ANKFN1: variants seen among roughly 807,000 people sequenced by gnomAD.
The protein encoded by ANKFN1 is ankyrin repeat and fibronectin type-III domain-containing protein 1.
In ANKFN1, 74 loss-of-function variants were observed where a neutral mutation model predicts 108.7. The observed-to-expected ratio is 0.68, with a 90% confidence interval of 0.56 to 0.83. The LOEUF (loss-of-function observed/expected upper bound fraction) is 0.83. ANKFN1 is among the 40% of genes least tolerant of loss of function. ANKFN1 has a pLI of 0.00. For missense variants in ANKFN1, 1,505 were observed against 1,382.3 expected (o/e 1.09, Z -1.41); for synonymous variants, 547 against 516.2 (o/e 1.06, Z -0.81).
At chr17:56,062,152 T>C (rs1283079593) in intron 4 of ANKFN1, among the ~76,000 whole-genome samples, 3 of 152,216 alleles carry the variant, frequency 2.0e-5, no homozygotes, top group African/African-American at 7.2e-5. Flanking sequence ...TACTTCCAAT[T>C]ATGTGGTCCA....
chr17:56,353,324 C>A (rs2046294039), intron 5 of ANKFN1, among the ~76,000 whole-genome samples: 1 of 151,778 alleles, frequency 6.6e-6, no homozygotes, highest in African/African-American at 2.4e-5. Context: ...CAACCTCTGC[C>A]CCCTGGGCAG....
chr17:56,423,267 T>G (rs2048465212), intron 8 of ANKFN1, among the ~76,000 whole-genome samples: 1 of 152,074 alleles, frequency 6.6e-6, no homozygotes, highest in Non-Finnish European at 1.5e-5. Context: ...ACACGTTGGG[T>G]CAACAGGAAT....
chr17:56,163,923 C>T (rs775100280), intron 1 of ANKFN1, among the ~76,000 whole-genome samples: 9 of 152,118 alleles, frequency 5.9e-5, no homozygotes, highest in Non-Finnish European at 1.0e-4. Flanking sequence ...TCAGTGTAGG[C>T]GTAATGTGAT....
intron 17 of ANKFN1, among the ~76,000 whole-genome samples, 175 bp from the exon 18 acceptor site, chr17:56,482,181 A>G (rs1167159958): frequency 2.0e-5 from 3 of 152,180 alleles, no homozygotes; most frequent in Non-Finnish European, 2.9e-5. Flanking sequence ...ACTGCCTTAA[A>G]TCTTGATTTT....
rs181948688 is a variant in ANKFN1 at position 56,108,771 on chromosome 17, A to G, written c.288+62446A>G. On this transcript the variant is annotated intron_variant, in intron 4 of 12. Transcript: ENST00000635860. Reference sequence around the variant, plus strand: ...AGAAGGTTTTTTATTTTGTATGTACAAGGAAGTATGGGGAACAAAAGCAAA... The same window carrying G: ...AGAAGGTTTTTTATTTTGTATGTACGAGGAAGTATGGGGAACAAAAGCAAA... Among the ~76,000 whole-genome samples the G allele has an allele frequency of 3.2e-4, 48 of 152,368 alleles. No individual in the cohort carries two copies. In the Middle Eastern group the frequency reaches 0.01, roughly 32 times the overall value.
chr17:56,106,328 A>G (rs564677852), intron 4 of ANKFN1, among the ~76,000 whole-genome samples: 3 of 152,264 alleles, frequency 2.0e-5, no homozygotes, highest in East Asian at 3.9e-4. Flanking sequence ...TAGAGTTGTC[A>G]TGAGGACAAC....
At chr17:56,204,497 C>T (rs1319383453) in intron 1 of ANKFN1, among the ~76,000 whole-genome samples, 1 of 151,792 alleles carries the variant, frequency 6.6e-6, no homozygotes, top group Non-Finnish European at 1.5e-5. Context: ...CCCACTACCA[C>T]GCCCAGCTAA....
intron 4 of ANKFN1, among the ~76,000 whole-genome samples, chr17:56,096,126 T>C (rs1284091090): frequency 6.6e-6 from 1 of 152,234 alleles, no homozygotes; most frequent in Non-Finnish European, 1.5e-5. Flanking sequence ...CTGGCACATG[T>C]TAAGTGCCCA....
chr17:56,224,581 G>T (rs75140540), intron 2 of ANKFN1: 75 of 152,256 alleles, frequency 4.9e-4, no homozygotes, highest in African/African-American at 1.8e-3. Context: ...AGCCTAATCA[G>T]CATAGAACAC....
At chr17:56,217,782 T>C (rs1289363366) in intron 2 of ANKFN1, among the ~76,000 whole-genome samples, 1 of 152,236 alleles carries the variant, frequency 6.6e-6, no homozygotes, top group African/African-American at 2.4e-5. Context: ...ATACTATGTT[T>C]AAAAATAATT....
chr17:56,373,714 A>G (rs1003140245), intron 7 of ANKFN1, among the ~76,000 whole-genome samples: 1 of 152,240 alleles, frequency 6.6e-6, no homozygotes, highest in Non-Finnish European at 1.5e-5. Flanking sequence ...ACTTAGCAAC[A>G]TTAATGAAAG....
intron 5 of ANKFN1, 110 bp from the exon 6 acceptor site, chr17:56,353,726 T>A: frequency 1.1e-6 from 1 of 905,366 alleles, no homozygotes; most frequent in South Asian, 1.5e-5. Flanking sequence ...GTTATTCCAC[T>A]TATAAGTGGA....
intron 4 of ANKFN1, among the ~76,000 whole-genome samples, chr17:56,112,965 G>A (rs1428146395): frequency 6.6e-6 from 1 of 152,158 alleles, no homozygotes; most frequent in Non-Finnish European, 1.5e-5. Context: ...ATTTCTATAT[G>A]ACGTAGTATT....
At chr17:56,114,492 T>C (rs9906744) in intron 4 of ANKFN1, among the ~76,000 whole-genome samples, 3,642 of 152,294 alleles carry the variant, frequency 0.024, 128 homozygotes, top group African/African-American at 0.082. Flanking sequence ...ATCATCCAGA[T>C]TGGCAAATAT....
chr17:56,308,097 G>A (rs1476662981), intron 3 of ANKFN1, among the ~76,000 whole-genome samples: 1 of 152,138 alleles, frequency 6.6e-6, no homozygotes, highest in Non-Finnish European at 1.5e-5. Flanking sequence ...TGGGATCGGG[G>A]GAGTGGGGAG....
At chr17:56,476,877 G>A (rs2050518596) in intron 15 of ANKFN1, among the ~76,000 whole-genome samples, 1 of 152,162 alleles carries the variant, frequency 6.6e-6, no homozygotes. Flanking sequence ...ACCAGTGCTT[G>A]ATTCATTCTT....
At chr17:56,078,647 T>G (rs1905209318) in intron 4 of ANKFN1, among the ~76,000 whole-genome samples, 1 of 152,234 alleles carries the variant, frequency 6.6e-6, no homozygotes, top group African/African-American at 2.4e-5. Flanking sequence ...CTTATTATTA[T>G]TCTCATAATA....
chr17:56,139,507 C>T (rs534651791), intron 4 of ANKFN1, among the ~76,000 whole-genome samples: 49 of 152,126 alleles, frequency 3.2e-4, no homozygotes, highest in South Asian at 1.9e-3. Context: ...TTGTTTTTAC[C>T]GGCAGAGGTA....
chr17:56,383,104 A>C (rs1212349307), intron 8 of ANKFN1, among the ~76,000 whole-genome samples: 1 of 152,234 alleles, frequency 6.6e-6, no homozygotes, highest in Non-Finnish European at 1.5e-5. Context: ...GCAAATGTAA[A>C]AGAATAGAAA....
Sources: gnomAD v4.1 joint callset for allele counts (sites outside exome capture counted in the v4.1 genomes callset) on GRCh38, gnomAD v4.1.1 for gene constraint, MANE v1.5 for transcripts, NCBI Gene and HGNC (gene_info 2026-07-23, HGNC 2026-07-21) for gene names.